GMCL1: variants seen among roughly 807,000 people sequenced by gnomAD.
GMCL1 encodes germ cell-less 1, spermatogenesis associated.
Under a neutral mutation model 75.5 loss-of-function variants are expected in GMCL1, and 54 were observed. That is an observed-to-expected ratio of 0.71 (90% CI 0.57 to 0.90). The LOEUF is 0.90. Ranked by LOEUF, GMCL1 falls within the 40% of genes least tolerant of loss-of-function variation. GMCL1 has a pLI of 0.00. For missense variants in GMCL1, 537 were observed against 622.7 expected, an observed-to-expected ratio of 0.86 and a Z score of 1.47; for synonymous variants, 210 against 209.6, an observed-to-expected ratio of 1.00 and a Z score of -0.02.
intron 7 of GMCL1, among the ~76,000 whole-genome samples, chr2:69,847,920 T>C (rs769581284): frequency 6.6e-6 from 1 of 152,210 alleles, no homozygotes; most frequent in Non-Finnish European, 1.5e-5. Flanking sequence ...CAAAAATGTT[T>C]TATATTGTTT....
chr2:69,837,473 T>A (rs1049667898), intron 1 of GMCL1, 74 bp from the exon 2 acceptor site: 7 of 1,151,104 alleles, frequency 6.1e-6, no homozygotes, highest in Non-Finnish European at 8.4e-6. Flanking sequence ...AAAAGGAGTA[T>A]TTAGAAATAT....
chr2:69,875,677 A>G (rs1250069210), intron 13 of GMCL1, among the ~76,000 whole-genome samples: 1 of 151,850 alleles, frequency 6.6e-6, no homozygotes, highest in Non-Finnish European at 1.5e-5. Flanking sequence ...TCCTGGAAGT[A>G]TAACACTTAG....
rs1292492017 is a variant in GMCL1, at chr2:69,865,072, A to C, written c.1218+97A>C. On this transcript the variant is annotated intron_variant, in intron 11 of 13. Coordinates refer to ENST00000282570, the MANE Select transcript of GMCL1 (RefSeq NM_178439.5). ...GTAATCATGACACCTGTCATACCTC[A>C]GAAGAGCTTGTTTGATACACTTTCT... 4 of 864,138 alleles carry C rather than the reference A, an allele frequency of 4.6e-6. No individual in the cohort carries two copies. The East Asian group carries it at 7.9e-5, about 17-fold the overall frequency. The allele number at this position is 864,138 out of a possible 1,614,324, so 53.5% of individuals were successfully genotyped here. A position where few individuals can be genotyped will look rare whatever the true frequency, so the allele number is the denominator to read the frequency against.
intron 13 of GMCL1, among the ~76,000 whole-genome samples, chr2:69,875,915 C>A (rs56407607): frequency 1.6e-3 from 241 of 152,272 alleles, no homozygotes; most frequent in African/African-American, 5.7e-3. Context: ...TGGTCTCGAT[C>A]TCCTGACCTC....
chr2:69,876,087 TA>T (rs1676122469), intron 13 of GMCL1, among the ~76,000 whole-genome samples: 1 of 152,218 alleles, frequency 6.6e-6, no homozygotes, highest in Non-Finnish European at 1.5e-5. Flanking sequence ...ATTTATTTTG[TA>T]ACTGTCCATC....
At chr2:69,857,621 C>T (rs1675514621) in intron 9 of GMCL1, among the ~76,000 whole-genome samples, 1 of 152,142 alleles carries the variant, frequency 6.6e-6, no homozygotes, top group Non-Finnish European at 1.5e-5. Flanking sequence ...CGTTATTATA[C>T]ATAAGCATTT....
intron 2 of GMCL1, among the ~76,000 whole-genome samples, chr2:69,839,119 A>G (rs533702546): frequency 1.3e-5 from 2 of 148,294 alleles, no homozygotes; most frequent in Admixed American, 1.3e-4. Flanking sequence ...TTGGTCCTTT[A>G]TAGCCATTCA....
intron 12 of GMCL1, among the ~76,000 whole-genome samples, chr2:69,871,209 T>C (rs766913676): frequency 6.6e-6 from 1 of 152,180 alleles, no homozygotes; most frequent in Non-Finnish European, 1.5e-5. Flanking sequence ...AAGCAAATTC[T>C]CATACATGCT....
chr2:69,838,892 T>C (rs1440930696), intron 2 of GMCL1, among the ~76,000 whole-genome samples: 2 of 152,220 alleles, frequency 1.3e-5, no homozygotes, highest in African/African-American at 4.8e-5. Flanking sequence ...TTCTACATAC[T>C]AAGTACTCAG....
At chr2:69,878,295 C>A (rs990039442) in intron 13 of GMCL1, among the ~76,000 whole-genome samples, 1 of 152,104 alleles carries the variant, frequency 6.6e-6, no homozygotes, top group African/African-American at 2.4e-5. Flanking sequence ...TAATGACTCC[C>A]GACCTTCATC....
At chr2:69,875,029 G>T (rs775216016) in intron 13 of GMCL1, among the ~76,000 whole-genome samples, 1 of 152,134 alleles carries the variant, frequency 6.6e-6, no homozygotes, top group Non-Finnish European at 1.5e-5. Context: ...ACAGGCATGA[G>T]CCACCAGGCC....
intron 8 of GMCL1, 65 bp from the exon 9 acceptor site, chr2:69,854,758 A>G: frequency 7.1e-7 from 1 of 1,407,928 alleles, no homozygotes; most frequent in Non-Finnish European, 9.8e-7. Context: ...TCCCCCGTCC[A>G]CAAAAACATT....
rs34189384 is a variant in GMCL1, at chr2:69,868,236, T to TAA, written c.1219-1472_1219-1471dup. On this transcript the variant is annotated intron_variant, in intron 11 of 13. Transcript: ENST00000282570. ...GCAATATAACGAGACCCTGTCTCTTTAAAAAAAAAAAAGCTTTGCCCTTAC... is the reference window on the plus strand; with the variant it reads ...GCAATATAACGAGACCCTGTCTCTTTAAAAAAAAAAAAAAGCTTTGCCCTTAC... Among the ~76,000 whole-genome samples, 380 of 145,760 alleles carry TAA rather than the reference T, an allele frequency of 2.6e-3. 1 individual carries two copies. Among genetic ancestry groups the TAA allele is most frequent in the East Asian group, 0.011 (54 of 5,026 alleles).
intron 9 of GMCL1, among the ~76,000 whole-genome samples, chr2:69,856,970 C>T (rs1675489041): frequency 1.3e-5 from 2 of 152,156 alleles, no homozygotes; most frequent in South Asian, 4.1e-4. Flanking sequence ...CTCTCAGCCT[C>T]CTAGTTATTT....
At chr2:69,831,896 C>T (rs1302053712) in intron 1 of GMCL1, among the ~76,000 whole-genome samples, 3 of 152,186 alleles carry the variant, frequency 2.0e-5, no homozygotes, top group Non-Finnish European at 4.4e-5. Context: ...GTGTGAGCCA[C>T]CATTGCCAAC....
Position 69,830,118 on chromosome 2 carries a change from GA to G in GMCL1, c.227del (p.Asp76AlafsTer15). 1 of 1,577,822 alleles carries G rather than the reference GA, an allele frequency of 6.3e-7. No individual in the cohort carries two copies. The highest frequency in any genetic ancestry group is 8.6e-7 in the Non-Finnish European group (1 of 1,161,284). The part of the protein sequence containing the change: ...SETDEDEEEG[D>X]EQQRLLNTPR... ...GACGGACGAGGATGAGGAGGAGGGG[GA>G]CGAGCAGCAGCGGCTCCTCAACACC... On this transcript the variant is annotated frameshift_variant, in exon 1 of 14. Transcript: ENST00000282570. LOFTEE classifies it high-confidence loss of function.
chr2:69,835,306 A>G (rs1674787402), intron 1 of GMCL1, among the ~76,000 whole-genome samples: 1 of 152,060 alleles, frequency 6.6e-6, no homozygotes, highest in Admixed American at 6.6e-5. Context: ...GTTCTGAGTG[A>G]TCCTTTATCA....
At chr2:69,869,595 A>G (rs1267082561) in intron 11 of GMCL1, 124 bp from the exon 12 acceptor site, 3 of 880,464 alleles carry the variant, frequency 3.4e-6, no homozygotes, top group Non-Finnish European at 5.1e-6. Context: ...TCACTGACAA[A>G]AAGTCGACCA....
At chr2:69,876,996 A>G (rs1323443872) in intron 13 of GMCL1, among the ~76,000 whole-genome samples, 2 of 152,114 alleles carry the variant, frequency 1.3e-5, no homozygotes, top group Non-Finnish European at 2.9e-5. Flanking sequence ...TCAAAACAAA[A>G]ACAGACAGAC....
Sources: gnomAD v4.1 joint callset for allele counts (sites outside exome capture counted in the v4.1 genomes callset) on GRCh38, gnomAD v4.1.1 for gene constraint, MANE v1.5 for transcripts, NCBI Gene and HGNC (gene_info 2026-07-23, HGNC 2026-07-21) for gene names.